ASAH1: variants seen among roughly 807,000 people sequenced by gnomAD.
The protein encoded by ASAH1 is N-acylsphingosine amidohydrolase 1.
A neutral mutation model predicts 59.5 loss-of-function variants in ASAH1; 70 were observed. The ratio of observed to expected loss-of-function variants is 1.18; its 90% CI spans 0.97 to 1.43. The LOEUF (loss-of-function observed/expected upper bound fraction) is 1.43, where lower values mean the gene tolerates loss of function less well. Ranked by LOEUF, ASAH1 falls within the 40% of genes most tolerant of loss-of-function variation. The pLI is 0.00. For synonymous variants in ASAH1, 213 were observed against 166.5 expected (o/e 1.28, Z -2.15); for missense variants, 660 against 482.5 (o/e 1.37, Z -3.45).
Position 18,064,454 on chromosome 8 carries a change from T to G in ASAH1, c.457+3A>C. On this transcript the variant is annotated splice_donor_region_variant and intron_variant, in intron 6 of 13. Coordinates refer to ENST00000637790, the MANE Select transcript of ASAH1 (RefSeq NM_177924.5). ...TGCCCACCCTCCCTCAGCGCACAAT[T>G]ACCTTTTTTGTCTTCTGCTACTATT... 1 of 1,557,746 alleles carries G rather than the reference T, an allele frequency of 6.4e-7. No individual in the cohort carries two copies.
At chr8:18,061,517 G>C in intron 9 of ASAH1, 59 bp from the exon 10 acceptor site, 1 of 1,496,464 alleles carries the variant, frequency 6.7e-7, no homozygotes, top group Non-Finnish European at 9.3e-7. Context: ...TAACCAGTCA[G>C]GACCCGGAAG....
intron 2 of ASAH1, among the ~76,000 whole-genome samples, chr8:18,074,082 T>C (rs1201028395): frequency 1.3e-5 from 2 of 152,210 alleles, no homozygotes; most frequent in African/African-American, 4.8e-5. Flanking sequence ...GCATTCAATT[T>C]ATAGACACAT....
intron 8 of ASAH1, 25 bp from the exon 9 acceptor site, chr8:18,061,765 G>C: frequency 6.4e-7 from 1 of 1,557,506 alleles, no homozygotes; most frequent in East Asian, 2.4e-5. Flanking sequence ...AAGCAACGAA[G>C]TCAGAAACAT....
chr8:18,062,230 AACAGG>A (rs769601591), intron 8 of ASAH1, 44 bp downstream of exon 8: 1 of 1,612,772 alleles, frequency 6.2e-7, no homozygotes, highest in South Asian at 1.1e-5. Flanking sequence ...ACATAACGGT[AACAGG>A]ACAGAAGGCT....
upstream of ASAH1, chr8:18,084,841 G>A (rs1800831348): frequency 6.2e-7 from 1 of 1,609,118 alleles, no homozygotes; most frequent in South Asian, 1.1e-5. Context: ...AAGGACTCAG[G>A]TGGGCGGAGC....
chr8:18,084,613 G>T (rs2117110609), upstream of ASAH1: 1 of 1,605,770 alleles, frequency 6.2e-7, no homozygotes, highest in South Asian at 1.1e-5. Flanking sequence ...AGGAGCAGTT[G>T]AGTGGCCGAG....
At chr8:18,075,845 G>A (rs1800382484) in intron 1 of ASAH1, 1 of 517,302 alleles carries the variant, frequency 1.9e-6, no homozygotes, top group Non-Finnish European at 3.5e-6. Context: ...CAAATATATT[G>A]AGTAACGAAC....
intron 7 of ASAH1, 182 bp downstream of exon 7, chr8:18,063,003 G>C: frequency 3.4e-6 from 2 of 593,496 alleles, no homozygotes; most frequent in South Asian, 3.7e-5. Context: ...CCAAGTAGCC[G>C]GGATTACAGA....
chr8:18,061,304 G>C, intron 10 of ASAH1, 73 bp downstream of exon 10: 1 of 1,303,078 alleles, frequency 7.7e-7, no homozygotes, highest in Non-Finnish European at 1.1e-6. Flanking sequence ...GCTGGAGCTT[G>C]ACAAATATTT....
At position 18,079,288 on chromosome 8, in the gene ASAH1, AC is replaced by A. The variant is rs1164190550; in HGVS notation, c.79-3702del. ...ACTCCATCTCAGAAAAAAAAAAAAA[AC>A]AAAAAACTCTCTGGAAAGTGCTTTT... is the stretch of plus-strand genomic sequence containing the variant. On this transcript the variant is annotated intron_variant, in intron 1 of 13. Coordinates refer to ENST00000637790, the MANE Select transcript of ASAH1 (RefSeq NM_177924.5). Among the ~76,000 whole-genome samples the A allele has an allele frequency of 2.0e-5, 3 of 151,348 alleles. 1 individual carries two copies. The highest frequency in any genetic ancestry group is 2.9e-5 in the Non-Finnish European group (2 of 67,820).
At chr8:18,072,749 T>A (rs1025822465) in intron 2 of ASAH1, among the ~76,000 whole-genome samples, 5 of 152,194 alleles carry the variant, frequency 3.3e-5, no homozygotes, top group African/African-American at 1.2e-4. Flanking sequence ...TTGTTCCCCA[T>A]ATTATGGGCA....
rs1182578778 is a variant in ASAH1, at chr8:18,056,383, A to G, written c.*1151T>C. ...CGATGTTCAGCTTGTATTTCTTGAT[A>G]ATAACCCCCCTCCTCCAAACCAACA... On this transcript the variant is annotated 3_prime_UTR_variant, in exon 14 of 14. Coordinates refer to ENST00000637790, the MANE Select transcript of ASAH1 (RefSeq NM_177924.5). 6.6e-6 allele frequency: 1 copy of G among 152,150 alleles called. No homozygotes were observed. Among genetic ancestry groups the G allele is most frequent in the African/African-American group, 2.4e-5 (1 of 41,426 alleles). The allele number at this position is 152,150 out of a possible 1,614,324, so 9.4% of individuals were successfully genotyped here.
At chr8:18,078,944 G>C (rs1231260449) in intron 1 of ASAH1, among the ~76,000 whole-genome samples, 5 of 151,966 alleles carry the variant, frequency 3.3e-5, no homozygotes, top group Admixed American at 3.3e-4. Context: ...TCTCCTAAGA[G>C]TGAAGATAAG....
chr8:18,063,741 C>G (rs1476421851), intron 6 of ASAH1: 2 of 156,600 alleles, frequency 1.3e-5, no homozygotes, highest in South Asian at 3.8e-4. Context: ...CAGATAACCC[C>G]ACAAAATCTG....
chr8:18,071,253 T>TATC (rs34859055), intron 3 of ASAH1, 47 bp downstream of exon 3: 2 of 1,010,836 alleles, frequency 2.0e-6, no homozygotes, highest in African/African-American at 1.7e-5. Flanking sequence ...AGAAATAAAA[T>TATC]AAAAAATAAA....
rs1385745724 is a variant in ASAH1 at position 18,070,438 on chromosome 8, G to A, written c.217-560C>T. Reference sequence around the variant, plus strand: ...GCTGGGATTACAGGCATGAGCCACCGCGCCTGGCCTAATTTTTGTATTTTT... The same window carrying A: ...GCTGGGATTACAGGCATGAGCCACCACGCCTGGCCTAATTTTTGTATTTTT... On this transcript the variant is annotated intron_variant, in intron 3 of 13. Transcript: ENST00000637790. Among the ~76,000 whole-genome samples, 8 of 151,832 alleles carry A rather than the reference G, an allele frequency of 5.3e-5. No individual in the cohort carries two copies. The East Asian group carries it at 9.7e-4, about 18-fold the overall frequency.
At chr8:18,061,880 G>A (rs1799716740) in intron 8 of ASAH1, 140 bp from the exon 9 acceptor site, 1 of 855,294 alleles carries the variant, frequency 1.2e-6, no homozygotes, top group African/African-American at 1.7e-5. Context: ...ACCATAAAAG[G>A]CTTTTTAAAA....
At chr8:18,065,428 C>T (rs1166547794) in intron 5 of ASAH1, 1 of 152,084 alleles carries the variant, frequency 6.6e-6, no homozygotes, top group Non-Finnish European at 1.5e-5. Flanking sequence ...ATAAATACTA[C>T]TGATTTTCAC....
chr8:18,073,139 A>T, intron 2 of ASAH1: 1 of 996,008 alleles, frequency 1.0e-6, no homozygotes, highest in Non-Finnish European at 1.5e-6. Context: ...AAATTATTTT[A>T]ATGACTAAAG....
Sources: allele counts gnomAD v4.1 joint callset (sites outside exome capture counted in the v4.1 genomes callset), GRCh38; gene constraint gnomAD v4.1.1; transcripts MANE v1.5; gene names NCBI Gene and HGNC (gene_info 2026-07-23, HGNC 2026-07-21).